ROR2: variants seen among roughly 807,000 people sequenced by gnomAD.
ROR2 encodes the protein ROR family WNT receptor 2, also known as tyrosine-protein kinase transmembrane receptor ROR2.
ROR2 carries 33 observed loss-of-function variants against 74.9 expected under a neutral mutation model. The observed-to-expected ratio is 0.44, with a 90% confidence interval of 0.33 to 0.59. The LOEUF is 0.59. Among genes scored for constraint, ROR2 ranks in the 20% least tolerant of loss-of-function variants. The pLI is 0.02. For missense variants in ROR2, 1,216 were observed against 1,313.8 expected, an observed-to-expected ratio of 0.93 and a Z score of 1.15; for synonymous variants, 586 against 558.7, an observed-to-expected ratio of 1.05 and a Z score of -0.69.
intron 1 of ROR2, among the ~76,000 whole-genome samples, chr9:91,858,983 A>G (rs7030661): frequency 0.45 from 68,701 of 151,856 alleles, 17,415 homozygotes; most frequent in African/African-American, 0.68. Flanking sequence ...GACACCAGGC[A>G]AACAGGGTTG....
intron 1 of ROR2, among the ~76,000 whole-genome samples, chr9:91,875,832 T>G (rs898256368): frequency 6.6e-6 from 1 of 151,930 alleles, no homozygotes; most frequent in African/African-American, 2.4e-5. Context: ...AGCAGCTTTA[T>G]AAGGGGGGTC....
At chr9:91,746,494 C>T (rs140211394) in intron 4 of ROR2, among the ~76,000 whole-genome samples, 1 of 152,274 alleles carries the variant, frequency 6.6e-6, no homozygotes, top group African/African-American at 2.4e-5. Flanking sequence ...ATGAAAACTC[C>T]CCGAAAATAG....
intron 1 of ROR2, among the ~76,000 whole-genome samples, chr9:91,776,851 G>T (rs972288000): frequency 6.6e-6 from 1 of 152,242 alleles, no homozygotes; most frequent in Non-Finnish European, 1.5e-5. Context: ...ATTATTAACT[G>T]CTTAGAAATT....
Position 91,855,478 on chromosome 9 carries a change from G to A in ROR2, c.98-79660C>T, listed in dbSNP as rs144435063. ...AAGTCCTGATCCCAGGCCGAGAAGG[G>A]AGGGGTGAAGGTTCATCTCCCACAG... On this transcript the variant is annotated intron_variant, in intron 1 of 8. Transcript: ENST00000375708. Among the ~76,000 whole-genome samples the A allele has an allele frequency of 2.6e-3, 392 of 152,344 alleles. 1 individual carries two copies. The highest frequency in any genetic ancestry group is 8.8e-3 in the African/African-American group (367 of 41,594).
intron 4 of ROR2, among the ~76,000 whole-genome samples, chr9:91,751,570 A>C (rs953790544): frequency 6.6e-6 from 1 of 152,218 alleles, no homozygotes; most frequent in Non-Finnish European, 1.5e-5. Context: ...CTTAAAATAC[A>C]CACAAAATAT....
At chr9:91,782,326 C>G (rs892834233) in intron 1 of ROR2, among the ~76,000 whole-genome samples, 11 of 152,062 alleles carry the variant, frequency 7.2e-5, no homozygotes, top group African/African-American at 2.4e-4. Flanking sequence ...TAGTTACTCC[C>G]ATGCATACAA....
chr9:91,754,998 A>G (rs1190719480), intron 4 of ROR2, among the ~76,000 whole-genome samples: 1 of 152,138 alleles, frequency 6.6e-6, no homozygotes, highest in Non-Finnish European at 1.5e-5. Context: ...AAAAAATAAG[A>G]AAAAATTATC....
intron 1 of ROR2, among the ~76,000 whole-genome samples, chr9:91,882,470 G>A (rs1254923558): frequency 2.0e-5 from 3 of 150,920 alleles, no homozygotes; most frequent in African/African-American, 4.9e-5. Flanking sequence ...AGAGCTGGAA[G>A]GTGGTCTCCA....
intron 1 of ROR2, among the ~76,000 whole-genome samples, chr9:91,882,740 C>A (rs1830152516): frequency 6.6e-6 from 1 of 152,056 alleles, no homozygotes; most frequent in Non-Finnish European, 1.5e-5. Context: ...TCCACGAAGA[C>A]AGATGTCATA....
At chr9:91,936,569 C>T (rs1831694837) in intron 1 of ROR2, among the ~76,000 whole-genome samples, 2 of 152,170 alleles carry the variant, frequency 1.3e-5, no homozygotes, top group South Asian at 4.1e-4. Flanking sequence ...GAAGTTAGGA[C>T]TTCAACATAT....
Position 91,878,293 on chromosome 9 carries a change from C to G in ROR2, c.97+71574G>C, listed in dbSNP as rs1484522119. On this transcript the variant is annotated intron_variant, in intron 1 of 8. Coordinates refer to ENST00000375708, the MANE Select transcript of ROR2 (RefSeq NM_004560.4). ...CCCTCCCTTTCCTGGGCTTCAGGGT[C>G]CTGGGCTCCTTCGCACCTCCATGGC... Among the ~76,000 whole-genome samples, 3 of 152,312 alleles carry G rather than the reference C, an allele frequency of 2.0e-5. No individual in the cohort carries two copies. The East Asian group carries it at 5.8e-4, about 29-fold the overall frequency.
At chr9:91,866,439 T>G (rs1468165669) in intron 1 of ROR2, among the ~76,000 whole-genome samples, 1,158 of 90,292 alleles carry the variant, frequency 0.013, 13 homozygotes, top group African/African-American at 0.056. Flanking sequence ...TTTTTTTTTT[T>G]GAGACTGAGT....
At chr9:91,776,442 T>C (rs1826422783) in intron 1 of ROR2, among the ~76,000 whole-genome samples, 1 of 152,242 alleles carries the variant, frequency 6.6e-6, no homozygotes, top group African/African-American at 2.4e-5. Context: ...ACCAGCCATT[T>C]AGAAGAAAAG....
chr9:91,937,426 C>T (rs909775768), intron 1 of ROR2, among the ~76,000 whole-genome samples: 7 of 152,078 alleles, frequency 4.6e-5, no homozygotes, highest in Non-Finnish European at 1.0e-4. Flanking sequence ...GCTCACAGGA[C>T]GCCCCCCAGA....
At chr9:91,839,904 A>G (rs370859054) in intron 1 of ROR2, among the ~76,000 whole-genome samples, 4 of 152,202 alleles carry the variant, frequency 2.6e-5, no homozygotes, top group African/African-American at 9.6e-5. Context: ...CACCCCACCA[A>G]AAGTGCACCC....
Position 91,723,617 on chromosome 9 carries a change from G to C in ROR2, c.*45C>G, listed in dbSNP as rs767186362. The C allele has an allele frequency of 6.2e-7, 1 of 1,606,626 alleles. No individual in the cohort carries two copies. The highest frequency in any genetic ancestry group is 8.5e-7 in the Non-Finnish European group (1 of 1,177,726). Reference sequence around the variant, plus strand: ...CAAAGGTGACTGAGGTCCCTGTGGGGTCTCGGCGGGGCTTCTATCCCCGAA... The same window carrying C: ...CAAAGGTGACTGAGGTCCCTGTGGGCTCTCGGCGGGGCTTCTATCCCCGAA... On this transcript the variant is annotated 3_prime_UTR_variant, in exon 9 of 9. Coordinates refer to ENST00000375708, the MANE Select transcript of ROR2 (RefSeq NM_004560.4).
intron 1 of ROR2, among the ~76,000 whole-genome samples, chr9:91,819,924 GTGTC>G (rs1275034473): frequency 6.6e-6 from 1 of 151,844 alleles, no homozygotes; most frequent in Non-Finnish European, 1.5e-5. Flanking sequence ...CTTGGAGTAT[GTGTC>G]TGTGTGTGTG....
intron 2 of ROR2, among the ~76,000 whole-genome samples, chr9:91,766,273 G>C (rs1045850864): frequency 1.3e-5 from 2 of 152,166 alleles, no homozygotes; most frequent in African/African-American, 4.8e-5. Context: ...CTCTTTTTGA[G>C]GACCTAGGAA....
At chr9:91,924,749 C>T (rs1414237210) in intron 1 of ROR2, among the ~76,000 whole-genome samples, 2 of 151,792 alleles carry the variant, frequency 1.3e-5, no homozygotes, top group Middle Eastern at 3.4e-3. Context: ...GACAAGATCA[C>T]GCCAGCCTGG....
Sources: allele counts gnomAD v4.1 joint callset (sites outside exome capture counted in the v4.1 genomes callset), GRCh38; gene constraint gnomAD v4.1.1; transcripts MANE v1.5; gene names NCBI Gene and HGNC (gene_info 2026-07-23, HGNC 2026-07-21).